NLRC5: variants seen among roughly 807,000 people sequenced by gnomAD.
NLRC5 encodes protein NLRC5.
NLRC5 carries 114 observed loss-of-function variants against 206.9 expected under a neutral mutation model. The observed-to-expected ratio is 0.55, with a 90% confidence interval of 0.47 to 0.64. NLRC5 has a LOEUF of 0.64. NLRC5 is among the 30% of genes least tolerant of loss of function. The pLI, the probability that NLRC5 is intolerant of heterozygous loss-of-function variation, is 0.00. For missense variants in NLRC5, 2,008 were observed against 2,305.5 expected (o/e 0.87, Z 2.64); for synonymous variants, 952 against 962.8 (o/e 0.99, Z 0.21).
intron 48 of NLRC5, 81 bp from the exon 49 acceptor site, chr16:57,082,336 G>T: frequency 9.1e-7 from 1 of 1,101,718 alleles, no homozygotes; most frequent in Non-Finnish European, 1.3e-6. Context: ...CTACCTTTTT[G>T]GGCCTCAGCC....
At chr16:57,030,188 T>G (rs2061645182) in intron 10 of NLRC5, 104 bp downstream of exon 10, 6 of 909,138 alleles carry the variant, frequency 6.6e-6, no homozygotes, top group Non-Finnish European at 1.1e-5. Flanking sequence ...GATAAATCTG[T>G]GCATACCCTA....
chr16:57,043,878 T>C (rs2063593504), intron 20 of NLRC5: 1 of 491,148 alleles, frequency 2.0e-6, no homozygotes, highest in Non-Finnish European at 3.6e-6. Context: ...GGATAGTCCT[T>C]AGAGATTTTT....
At chr16:57,073,159 C>A (rs1257958451) in intron 38 of NLRC5, among the ~76,000 whole-genome samples, 8 of 152,242 alleles carry the variant, frequency 5.3e-5, no homozygotes, top group African/African-American at 1.9e-4. Context: ...ACAGATTCAT[C>A]CATGCCCCTG....
chr16:57,077,656 G>A, intron 41 of NLRC5, 63 bp from the exon 42 acceptor site: 1 of 1,468,900 alleles, frequency 6.8e-7, no homozygotes, highest in East Asian at 2.3e-5. Context: ...AGACCCAGCA[G>A]ATGTGCTGGG....
At position 57,039,432 on chromosome 16, in the gene NLRC5, A is replaced by T. The variant is rs527342008; in HGVS notation, c.2802-349A>T. ...AGGTCCTCCCGGGCCAGGGGTAAAA[A>T]GTGACAGGCCGGGCACGGTGGCTCA... On this transcript the variant is annotated intron_variant, in intron 15 of 48. Transcript: ENST00000688547. Among the ~76,000 whole-genome samples, 6 of 152,350 alleles carry T rather than the reference A, an allele frequency of 3.9e-5. No individual in the cohort carries two copies. The South Asian group carries it at 1.2e-3, about 32-fold the overall frequency.
chr16:57,015,345 C>T (rs1281555289), intron 1 of NLRC5, among the ~76,000 whole-genome samples: 1 of 151,966 alleles, frequency 6.6e-6, no homozygotes, highest in Non-Finnish European at 1.5e-5. Flanking sequence ...TAGGCTTCAC[C>T]AGGTGAATTG....
At chr16:57,010,195 T>C (rs1325069603) in intron 1 of NLRC5, among the ~76,000 whole-genome samples, 5 of 151,958 alleles carry the variant, frequency 3.3e-5, no homozygotes, top group Non-Finnish European at 5.9e-5. Flanking sequence ...CCAGGTGGAG[T>C]TGGGAGAATT....
In NLRC5 at chr16:57,015,598, A is replaced by ATAAGTAAGTAAG. The variant is rs370606071; in HGVS notation, c.-127-1473_-127-1472insGTAAGTAAGTAA. ...AAGACCCTGTCTCTTAAAAAAATAA[A>ATAAGTAAGTAAG]TAAATAAATAAATAAATAAATAAAT... On this transcript the variant is annotated intron_variant, in intron 1 of 48. Coordinates refer to ENST00000688547, the MANE Select transcript of NLRC5 (RefSeq NM_001384950.1). 8.4e-3 allele frequency among the ~76,000 whole-genome samples: 342 copies of ATAAGTAAGTAAG among 40,482 alleles called. 1 individual carries two copies. Among genetic ancestry groups the ATAAGTAAGTAAG allele is most frequent in the African/African-American group, 0.02 (312 of 15,378 alleles). The allele number at this position is 40,482 out of a possible 152,430, so 26.6% of individuals were successfully genotyped here.
chr16:57,076,886 A>G lies in NLRC5; in HGVS notation c.4819A>G (p.Ser1607Gly), dbSNP rs770352319. 1.9e-6 allele frequency: 3 copies of G among 1,613,882 alleles called. No individual in the cohort carries two copies. The highest frequency in any genetic ancestry group is 2.5e-6 in the Non-Finnish European group (3 of 1,180,022). ...HLSEALRAAT[S>G]LEELDLSHNQ... ...TTCTGAGGCTCTCAGGGCTGCCACC[A>G]GCCTAGAGGAGCTGGAGTGAGTTGC... Residue 1607 changes from serine to glycine, a missense_variant, in exon 40 of 49, where the codon AGC becomes GGC. By Grantham distance (56) the Ser-to-Gly change is moderately conservative (BLOSUM62 0). Coordinates refer to ENST00000688547, the MANE Select transcript of NLRC5 (RefSeq NM_001384950.1).
At chr16:57,030,837 A>T (rs2061794453) in intron 10 of NLRC5, among the ~76,000 whole-genome samples, 1 of 152,260 alleles carries the variant, frequency 6.6e-6, no homozygotes, top group Non-Finnish European at 1.5e-5. Context: ...AGCCGGGCTC[A>T]GTGGCTCATG....
intron 1 of NLRC5, among the ~76,000 whole-genome samples, chr16:56,999,810 G>A (rs1175599379): frequency 6.6e-6 from 1 of 152,236 alleles, no homozygotes; most frequent in Non-Finnish European, 1.5e-5. Flanking sequence ...GAATCACTCA[G>A]CTCTGATTTG....
In NLRC5 at chr16:57,013,481, T is replaced by C. The variant is rs147923640; in HGVS notation, c.-127-3593T>C. The C allele has an allele frequency of 3.8e-4, 275 of 729,746 alleles. No individual in the cohort carries two copies. In the African/African-American group the frequency reaches 4.1e-3, roughly 11 times the overall value. 45.2% of individuals were successfully genotyped at this position (729,746 alleles called of 1,614,324 possible). A position where few individuals can be genotyped will look rare whatever the true frequency, so the allele number is the denominator to read the frequency against. On this transcript the variant is annotated intron_variant, in intron 1 of 48. Coordinates refer to ENST00000688547, the MANE Select transcript of NLRC5 (RefSeq NM_001384950.1). ...AAGCTGTCCAGAGAAATCTGAGTCA[T>C]TGAGGTGAGCACAGATTCCATTGGC...
chr16:57,064,217 A>T (rs1229646438), intron 32 of NLRC5, among the ~76,000 whole-genome samples: 2 of 151,974 alleles, frequency 1.3e-5, no homozygotes, highest in African/African-American at 2.4e-5. Flanking sequence ...AAATAAAAAT[A>T]AAAAAATAAT....
At position 57,059,542 on chromosome 16, in the gene NLRC5, G is replaced by C; in HGVS notation, c.3986+10G>C. 1 of 1,606,130 alleles carries C rather than the reference G, an allele frequency of 6.2e-7. No homozygotes were observed. The highest frequency in any genetic ancestry group is 8.5e-7 in the Non-Finnish European group (1 of 1,175,354). On this transcript the variant is annotated intron_variant, in intron 30 of 48. Coordinates refer to ENST00000688547, the MANE Select transcript of NLRC5 (RefSeq NM_001384950.1). ...CTGGGAAGACACTCAGGTAATCCCT[G>C]CAGGGTGATGGGACAGGGGACAGAG...
rs184973591 is a variant in NLRC5, at chr16:56,997,812, C to T, written c.-128+8195C>T. 2.0e-3 allele frequency among the ~76,000 whole-genome samples: 306 copies of T among 152,254 alleles called. 2 individuals are homozygous for T. Among genetic ancestry groups the T allele is most frequent in the Admixed American group, 3.3e-3 (50 of 15,300 alleles). ...CCCAGGCTGGTCTCAAACTACTGGGCTCAAGCGATCCTCCTGCTTCAGCCT... is the reference window on the plus strand; with the variant it reads ...CCCAGGCTGGTCTCAAACTACTGGGTTCAAGCGATCCTCCTGCTTCAGCCT... On this transcript the variant is annotated intron_variant, in intron 1 of 48. Coordinates refer to ENST00000688547, the MANE Select transcript of NLRC5 (RefSeq NM_001384950.1).
intron 24 of NLRC5, among the ~76,000 whole-genome samples, chr16:57,052,167 TG>T (rs1490607276): frequency 6.6e-6 from 1 of 152,226 alleles, no homozygotes; most frequent in Non-Finnish European, 1.5e-5. Context: ...CAGCTCAGAC[TG>T]GTTAGAATTT....
At position 57,043,567 on chromosome 16, in the gene NLRC5, T is replaced by C; in HGVS notation, c.3166T>C (p.Phe1056Leu). Reference sequence around the variant, plus strand: ...TGCCGTGTTGGGTTTGGTTCGGTGCTTCTCCACTCTGCAGTGGCTCTTCCG... The same window carrying C: ...TGCCGTGTTGGGTTTGGTTCGGTGCCTCTCCACTCTGCAGTGGCTCTTCCG... ...LDAVLGLVRC[F>L]STLQWLFRLD... Residue 1056 changes from phenylalanine (F) to leucine (L), a missense_variant, in exon 20 of 49, where the codon TTC becomes CTC. Coordinates refer to ENST00000688547, the MANE Select transcript of NLRC5 (RefSeq NM_001384950.1). The C allele has an allele frequency of 6.2e-7, 1 of 1,614,162 alleles. No homozygotes were observed. The highest frequency in any genetic ancestry group is 8.5e-7 in the Non-Finnish European group (1 of 1,180,018).
intron 1 of NLRC5, among the ~76,000 whole-genome samples, chr16:57,009,342 A>C (rs1263272711): frequency 1.1e-4 from 15 of 138,064 alleles, no homozygotes; most frequent in South Asian, 2.3e-4. Context: ...GCCTCTAATC[A>C]CAGCACTTTG....
At chr16:57,021,842 G>A (rs1180535399) in intron 3 of NLRC5, among the ~76,000 whole-genome samples, 1 of 152,142 alleles carries the variant, frequency 6.6e-6, no homozygotes, top group African/African-American at 2.4e-5. Flanking sequence ...GAGAAAATGG[G>A]AACTCACTTA....
Sources: allele counts gnomAD v4.1 joint callset (sites outside exome capture counted in the v4.1 genomes callset), GRCh38; gene constraint gnomAD v4.1.1; transcripts MANE v1.5; gene names NCBI Gene and HGNC (gene_info 2026-07-23, HGNC 2026-07-21).